SLC12A9: variants seen among roughly 807,000 people sequenced by gnomAD.
SLC12A9 encodes the protein CCC-interacting protein 1.
Under a neutral mutation model 66.0 loss-of-function variants are expected in SLC12A9, and 55 were observed. The observed-to-expected ratio is 0.83, with a 90% CI of 0.67 to 1.04. SLC12A9 has a LOEUF of 1.04. Ranked by LOEUF, SLC12A9 falls within the 50% of genes least tolerant of loss-of-function variation. The pLI is 0.00. For synonymous variants in SLC12A9, 577 were observed against 569.0 expected (o/e 1.01, Z -0.20); for missense variants, 1,061 against 1,241.9 (o/e 0.85, Z 2.19).
chr7:100,860,994 T>A (rs757856168), intron 9 of SLC12A9, 144 bp from the exon 10 acceptor site: 2 of 1,434,710 alleles, frequency 1.4e-6, no homozygotes. Context: ...ACTTTGGGGG[T>A]GCACTGGCAC....
upstream of SLC12A9, among the ~76,000 whole-genome samples, chr7:100,848,415 T>C (rs1049210919): frequency 6.6e-6 from 1 of 151,810 alleles, no homozygotes; most frequent in Admixed American, 6.6e-5. Flanking sequence ...GGAGGATTGC[T>C]TGAGCCTGGG....
At chr7:100,830,892 A>G (rs1813531233) in intron 1 of SLC12A9, among the ~76,000 whole-genome samples, 1 of 152,052 alleles carries the variant, frequency 6.6e-6, no homozygotes, top group Admixed American at 6.6e-5. Flanking sequence ...CTCCACCCTT[A>G]GACCACCCAG....
chr7:100,847,671 G>A (rs1382668269), intron 1 of SLC12A9, among the ~76,000 whole-genome samples: 1 of 152,100 alleles, frequency 6.6e-6, no homozygotes, highest in Non-Finnish European at 1.5e-5. Flanking sequence ...GGATGTGAGA[G>A]TATTCCGGTG....
chr7:100,859,101 T>C lies in SLC12A9; in HGVS notation c.917T>C (p.Val306Ala). 3 of 1,613,896 alleles carry C rather than the reference T, an allele frequency of 1.9e-6. No homozygotes were observed. Among genetic ancestry groups the C allele is most frequent in the Non-Finnish European group, 2.5e-6 (3 of 1,179,972 alleles). The change falls in exon 7 of 14, where the codon GTC becomes GCC. Residue 306 changes from valine (V) to alanine (A), a missense_variant. Transcript: ENST00000354161. Reference protein sequence around the residue: ...RAIPLGTIVAVAYTFFVYVLL... With the variant: ...RAIPLGTIVAAAYTFFVYVLL... Reference sequence around the variant, plus strand: ...ATCCCTCTGGGCACGATCGTCGCCGTCGCCTACACCTTCTTCGTCTATGTC... The same window carrying C: ...ATCCCTCTGGGCACGATCGTCGCCGCCGCCTACACCTTCTTCGTCTATGTC...
rs1254838017 is a variant in SLC12A9 at position 100,861,637 on chromosome 7, C to T, written c.1536+53C>T. ...AAATGGGAGGTGGTCAAAGAACCCCCTCTCTCTTTGGCTGGAGTTGGTGCT... is the reference window on the plus strand; with the variant it reads ...AAATGGGAGGTGGTCAAAGAACCCCTTCTCTCTTTGGCTGGAGTTGGTGCT... On this transcript the variant is annotated intron_variant, in intron 11 of 13. Transcript: ENST00000354161. This position sits in a 1 kb window ranked among gnomAD's most constrained non-coding sequence, Gnocchi z 5.3. 3.1e-6 allele frequency: 5 copies of T among 1,606,700 alleles called. No homozygotes were observed. Among genetic ancestry groups the T allele is most frequent in the African/African-American group, 2.7e-5 (2 of 73,350 alleles).
intron 1 of SLC12A9, among the ~76,000 whole-genome samples, chr7:100,839,435 G>T (rs1352211462): frequency 2.0e-5 from 3 of 152,234 alleles, no homozygotes; most frequent in Admixed American, 6.5e-5. Flanking sequence ...CAGTGTCTGA[G>T]GAGTTTTCTG....
At chr7:100,840,589 G>C (rs1023358076) in intron 1 of SLC12A9, among the ~76,000 whole-genome samples, 3 of 151,978 alleles carry the variant, frequency 2.0e-5, no homozygotes, top group East Asian at 1.9e-4. Flanking sequence ...AGAAAGGAAA[G>C]AGACAGAGAG....
At chr7:100,827,145 G>C in intron 1 of SLC12A9, 1 of 1,199,974 alleles carries the variant, frequency 8.3e-7, no homozygotes, top group Non-Finnish European at 1.1e-6. Flanking sequence ...TCCTCGTCGG[G>C]GCCCTCAGCG....
chr7:100,840,949 C>G (rs1294140033), intron 1 of SLC12A9, among the ~76,000 whole-genome samples: 2 of 151,704 alleles, frequency 1.3e-5, no homozygotes, highest in African/African-American at 2.4e-5. Context: ...CCGCGGATGG[C>G]CCAAATGCAT....
intron 1 of SLC12A9, among the ~76,000 whole-genome samples, chr7:100,839,272 C>A (rs893623231): frequency 6.6e-6 from 1 of 151,850 alleles, no homozygotes. Flanking sequence ...TGCAGTGAGC[C>A]GAGATCACGC....
intron 1 of SLC12A9, among the ~76,000 whole-genome samples, chr7:100,841,043 C>G (rs147903140): frequency 6.6e-6 from 1 of 151,296 alleles, no homozygotes; most frequent in African/African-American, 2.4e-5. Flanking sequence ...ATTGTGAGCA[C>G]ACCTCACCAG....
intron 1 of SLC12A9, among the ~76,000 whole-genome samples, chr7:100,838,184 G>A (rs1027203937): frequency 8.0e-5 from 12 of 150,848 alleles, no homozygotes; most frequent in African/African-American, 2.9e-4. Context: ...AAATTTTTTT[G>A]TGGAGACAGT....
intron 3 of SLC12A9, 42 bp downstream of exon 3, chr7:100,854,796 C>A: frequency 6.2e-7 from 1 of 1,608,444 alleles, no homozygotes; most frequent in African/African-American, 1.3e-5. Context: ...GCCTGTTCTG[C>A]CTGCTAGGGA....
intron 1 of SLC12A9, among the ~76,000 whole-genome samples, chr7:100,843,159 T>C (rs548482508): frequency 2.6e-5 from 4 of 152,370 alleles, no homozygotes; most frequent in Non-Finnish European, 5.9e-5. Flanking sequence ...ACTTGTACTT[T>C]AGTCCAATTG....
intron 12 of SLC12A9, among the ~76,000 whole-genome samples, chr7:100,862,204 A>T (rs1047765627): frequency 6.6e-6 from 1 of 151,942 alleles, no homozygotes; most frequent in Non-Finnish European, 1.5e-5. Context: ...TGCTCCGCCC[A>T]TCTCGGCCTC....
At chr7:100,860,931 TG>T (rs1814709131) in intron 9 of SLC12A9, 1 of 846,514 alleles carries the variant, frequency 1.2e-6, no homozygotes, top group Non-Finnish European at 1.9e-6. Flanking sequence ...ATTGACACTT[TG>T]GGGGTGCACT....
upstream of SLC12A9, among the ~76,000 whole-genome samples, chr7:100,851,614 G>A (rs189198720): frequency 1.3e-3 from 190 of 146,334 alleles, no homozygotes; most frequent in African/African-American, 4.7e-3. Flanking sequence ...GCAACATGGC[G>A]AAACCCGGTC....
chr7:100,863,522 C>T (rs1814891719), intron 13 of SLC12A9, among the ~76,000 whole-genome samples: 1 of 152,226 alleles, frequency 6.6e-6, no homozygotes. Context: ...AGCCACTATA[C>T]ACTGATGTGG....
At chr7:100,829,863 A>C (rs1813508882) in intron 1 of SLC12A9, among the ~76,000 whole-genome samples, 1 of 149,608 alleles carries the variant, frequency 6.7e-6, no homozygotes, top group South Asian at 2.1e-4. Flanking sequence ...ACCCCTCTCT[A>C]CTAAAAATAC....
Sources: gnomAD v4.1 joint callset for allele counts (sites outside exome capture counted in the v4.1 genomes callset) on GRCh38, gnomAD v4.1.1 for gene constraint, Gnocchi (gnomAD v3.1) non-coding constraint, MANE v1.5 for transcripts, NCBI Gene and HGNC (gene_info 2026-07-23, HGNC 2026-07-21) for gene names.